The following ABHD2 variants were observed in gnomAD, a reference collection of about 807,000 sequenced individuals.
The protein encoded by ABHD2 is monoacylglycerol lipase ABHD2.
Under a neutral mutation model 48.1 loss-of-function variants are expected in ABHD2, and 20 were observed. The ratio of observed to expected loss-of-function variants is 0.42; its 90% CI spans 0.29 to 0.60. ABHD2 has a LOEUF of 0.60. ABHD2 is among the 20% of genes least tolerant of loss of function. The probability of loss-of-function intolerance (pLI) is 0.24; values close to 1 mark genes in which losing one functional copy is unlikely to be tolerated. For synonymous variants in ABHD2, 209 were observed against 214.2 expected, an observed-to-expected ratio of 0.98 and a Z score of 0.21; for missense variants, 405 against 550.9, an observed-to-expected ratio of 0.74 and a Z score of 2.65.
At chr15:89,144,081 A>C (rs2050452130) in intron 3 of ABHD2, among the ~76,000 whole-genome samples, 1 of 152,226 alleles carries the variant, frequency 6.6e-6, no homozygotes, top group South Asian at 2.1e-4. Flanking sequence ...CCTGTACATA[A>C]ATGCTCACAG....
At chr15:89,124,976 C>G (rs1016901486) in intron 3 of ABHD2, among the ~76,000 whole-genome samples, 4 of 152,136 alleles carry the variant, frequency 2.6e-5, no homozygotes, top group African/African-American at 9.7e-5. Flanking sequence ...GTAATCCCAG[C>G]TAATCGGGAG....
chr15:89,155,626 C>T lies in ABHD2; in HGVS notation c.538+92C>T, dbSNP rs2050660577. On this transcript the variant is annotated intron_variant, in intron 5 of 10. Coordinates refer to ENST00000352732, the MANE Select transcript of ABHD2 (RefSeq NM_152924.5). This position sits in a 1 kb window ranked among gnomAD's most constrained non-coding sequence, Gnocchi z 4.9. ...TTTTTTCTTTTTTTAAGTTTTAAAC[C>T]TATGCCCATCTGCAAGAGATGGTAG... The T allele has an allele frequency of 6.9e-6, 10 of 1,456,466 alleles. No individual in the cohort carries two copies. The highest frequency in any genetic ancestry group is 8.3e-6 in the Non-Finnish European group (9 of 1,078,796). 90.2% of individuals were successfully genotyped at this position (1,456,466 alleles called of 1,614,324 possible). A position where few individuals can be genotyped will look rare whatever the true frequency, so the allele number is the denominator to read the frequency against.
chr15:89,123,593 CTTTTTTTTT>C (rs138910210), intron 3 of ABHD2, among the ~76,000 whole-genome samples: 1 of 96,680 alleles, frequency 1.0e-5, no homozygotes, highest in South Asian at 3.7e-4. Flanking sequence ...TTCTTTCTTT[CTTTTTTTTT>C]TTTTTTTTTT....
chr15:89,183,393 A>ATG (rs1209793259), intron 6 of ABHD2: 1 of 92,488 alleles, frequency 1.1e-5, no homozygotes, highest in Admixed American at 9.1e-5. Flanking sequence ...AAATATATAT[A>ATG]TATATATATA....
chr15:89,109,104 G>A (rs1369545702), intron 1 of ABHD2, among the ~76,000 whole-genome samples: 1 of 152,210 alleles, frequency 6.6e-6, no homozygotes, highest in African/African-American at 2.4e-5. Context: ...GCTTTTCCCA[G>A]TGCAGTGGCA....
rs942885055 is a variant in ABHD2 at position 89,201,050 on chromosome 15, C to T, written c.*5627C>T. On this transcript the variant is annotated 3_prime_UTR_variant, in exon 11 of 11. Transcript: ENST00000352732. ...TGAGCCGAGATCACGCCTCTGCACT[C>T]CAGCCTGGGCAACAAGAGTGAGACT... is the stretch of plus-strand genomic sequence containing the variant. 220 of 735,090 alleles carry T rather than the reference C, an allele frequency of 3.0e-4. 1 individual carries two copies. Among genetic ancestry groups the T allele is most frequent in the Middle Eastern group, 2.9e-4 (1 of 3,452 alleles). 45.5% of individuals were successfully genotyped at this position (735,090 alleles called of 1,614,324 possible). A position where few individuals can be genotyped will look rare whatever the true frequency, so the allele number is the denominator to read the frequency against.
At chr15:89,131,542 A>G (rs1420415543) in intron 3 of ABHD2, among the ~76,000 whole-genome samples, 1 of 152,188 alleles carries the variant, frequency 6.6e-6, no homozygotes, top group African/African-American at 2.4e-5. Flanking sequence ...GTGTCCAAGA[A>G]AAAGCAAAAC....
chr15:89,138,506 T>G (rs1055764148), intron 3 of ABHD2, among the ~76,000 whole-genome samples: 1 of 152,206 alleles, frequency 6.6e-6, no homozygotes, highest in Non-Finnish European at 1.5e-5. Context: ...GGCCTTATCT[T>G]AGAGATAATT....
intron 3 of ABHD2, among the ~76,000 whole-genome samples, chr15:89,143,294 T>A (rs1289072003): frequency 6.6e-6 from 1 of 152,254 alleles, no homozygotes; most frequent in Non-Finnish European, 1.5e-5. Flanking sequence ...GCCAGTTTTA[T>A]TATCAGTTGA....
At chr15:89,148,224 A>C (rs1243806200) in intron 3 of ABHD2, among the ~76,000 whole-genome samples, 6 of 152,164 alleles carry the variant, frequency 3.9e-5, no homozygotes, top group Admixed American at 3.9e-4. Context: ...ATGTAGGGAT[A>C]ATAAAACAAT....
Position 89,116,194 on chromosome 15 carries a change from C to T in ABHD2, c.-6-128C>T, listed in dbSNP as rs293397. On this transcript the variant is annotated intron_variant, in intron 2 of 10. Coordinates refer to ENST00000352732, the MANE Select transcript of ABHD2 (RefSeq NM_152924.5). This position sits in a 1 kb window ranked among gnomAD's most constrained non-coding sequence, Gnocchi z 4.6. ...GTGGTGTCTGCCTGTCAGGAGCCTG[C>T]GGAAACATCTGAATTGTGACACACC... 0.45 allele frequency: 381,256 copies of T among 850,472 alleles called. 89,094 individuals are homozygous for T. The highest frequency in any genetic ancestry group is 0.66 in the African/African-American group (38,838 of 58,872). 52.7% of individuals were successfully genotyped at this position (850,472 alleles called of 1,614,324 possible).
the ABHD2 span, among the ~76,000 whole-genome samples, chr15:89,043,432 AAAG>A: frequency 4.7e-5 from 7 of 147,538 alleles, no homozygotes; most frequent in Non-Finnish European, 7.5e-5. Context: ...TCTCTTTTTT[AAAG>A]AAGAAGAAGA....
At chr15:89,057,515 A>G in the ABHD2 span, among the ~76,000 whole-genome samples, 12 of 152,142 alleles carry the variant, frequency 7.9e-5, no homozygotes, top group South Asian at 2.1e-3. Flanking sequence ...GTTCTTTGGG[A>G]AGCTTCAATG....
chr15:89,068,314 T>C, the ABHD2 span, among the ~76,000 whole-genome samples: 1 of 152,234 alleles, frequency 6.6e-6, no homozygotes, highest in Non-Finnish European at 1.5e-5. Flanking sequence ...ACAACCATTT[T>C]ATTTTGCATA....
In ABHD2 at chr15:89,201,809, G is replaced by T. The variant is rs2051468346; in HGVS notation, c.*6386G>T. 1.5e-6 allele frequency: 2 copies of T among 1,343,130 alleles called. No homozygotes were observed. The highest frequency in any genetic ancestry group is 2.1e-6 in the Non-Finnish European group (2 of 940,848). The allele number at this position is 1,343,130 out of a possible 1,614,324, so 83.2% of individuals were successfully genotyped here. A position where few individuals can be genotyped will look rare whatever the true frequency, so the allele number is the denominator to read the frequency against. On this transcript the variant is annotated 3_prime_UTR_variant, in exon 11 of 11. Transcript: ENST00000352732. ...CCCCGGAGGCAGACGCCATTGGAGAGACAGCGCAGAGCAGGGGGCGGCTTG... is the reference window on the plus strand; with the variant it reads ...CCCCGGAGGCAGACGCCATTGGAGATACAGCGCAGAGCAGGGGGCGGCTTG...
intron 3 of ABHD2, among the ~76,000 whole-genome samples, chr15:89,128,752 G>A (rs748930772): frequency 6.6e-6 from 1 of 152,158 alleles, no homozygotes; most frequent in Non-Finnish European, 1.5e-5. Flanking sequence ...GGTGAGCTGA[G>A]AGCTGTTTGA....
chr15:89,122,341 G>A (rs1389315740), intron 3 of ABHD2, among the ~76,000 whole-genome samples: 1 of 152,194 alleles, frequency 6.6e-6, no homozygotes, highest in Non-Finnish European at 1.5e-5. Flanking sequence ...CATACCTGGG[G>A]AGACAGAACA....
In ABHD2 at chr15:89,092,251, T is replaced by C. The variant is rs1427325762; in HGVS notation, c.-107+3688T>C. Among the ~76,000 whole-genome samples the C allele has an allele frequency of 1.3e-5, 2 of 152,208 alleles. No individual in the cohort carries two copies. The highest frequency in any genetic ancestry group is 4.8e-5 in the African/African-American group (2 of 41,456). ...CGACTCATTGTCTGATCTTTCACAATAAATAGCAGACAGGTGAAGAGCTTT... is the reference window on the plus strand; with the variant it reads ...CGACTCATTGTCTGATCTTTCACAACAAATAGCAGACAGGTGAAGAGCTTT... On this transcript the variant is annotated intron_variant, in intron 1 of 10. Transcript: ENST00000352732. The surrounding 1 kb of genome is among the most constrained non-coding windows in gnomAD (Gnocchi z 4.4).
chr15:89,079,656 A>G, the ABHD2 span, among the ~76,000 whole-genome samples: 2 of 152,236 alleles, frequency 1.3e-5, no homozygotes, highest in Non-Finnish European at 2.9e-5. This position sits in a 1 kb window ranked among gnomAD's most constrained non-coding sequence, Gnocchi z 4.3. Flanking sequence ...ACAACTATTT[A>G]AAGCCTTTGG....
Sources: gnomAD v4.1 joint callset for allele counts (sites outside exome capture counted in the v4.1 genomes callset) on GRCh38, gnomAD v4.1.1 for gene constraint, Gnocchi (gnomAD v3.1) non-coding constraint, MANE v1.5 for transcripts, NCBI Gene and HGNC (gene_info 2026-07-23, HGNC 2026-07-21) for gene names.